Variants in POFUT2 observed in about 807,000 individuals in gnomAD.
The protein encoded by POFUT2 is protein O-fucosyltransferase 2.
Under a neutral mutation model 55.0 loss-of-function variants are expected in POFUT2, and 30 were observed. The observed-to-expected ratio is 0.55, with a 90% CI of 0.41 to 0.74. The LOEUF is 0.74. POFUT2 is among the 30% of genes least tolerant of loss of function. POFUT2 has a pLI of 0.00. For synonymous variants in POFUT2, 267 were observed against 231.1 expected (o/e 1.16, Z -1.41); for missense variants, 524 against 562.6 (o/e 0.93, Z 0.69).
Position 45,284,713 on chromosome 21 carries a change from C to T in POFUT2, c.382+965G>A, listed in dbSNP as rs537419343. Among the ~76,000 whole-genome samples, 1 of 152,304 alleles carries T rather than the reference C, an allele frequency of 6.6e-6. No individual in the cohort carries two copies. The highest frequency in any genetic ancestry group is 6.5e-5 in the Admixed American group (1 of 15,308). On this transcript the variant is annotated intron_variant, in intron 2 of 8. Transcript: ENST00000349485. The surrounding 1 kb of genome is among the most constrained non-coding windows in gnomAD (Gnocchi z 5.8). Reference sequence around the variant, plus strand: ...GGGTTCCTATAACCCAATGTTCAGACCGAGGGCTGGCTGCTAGTTAGACCC... The same window carrying T: ...GGGTTCCTATAACCCAATGTTCAGATCGAGGGCTGGCTGCTAGTTAGACCC...
Position 45,285,599 on chromosome 21 carries a change from A to G in POFUT2, c.382+79T>C. On this transcript the variant is annotated intron_variant, in intron 2 of 8. Coordinates refer to ENST00000349485, the MANE Select transcript of POFUT2 (RefSeq NM_133635.6). This position sits in a 1 kb window ranked among gnomAD's most constrained non-coding sequence, Gnocchi z 4.9. Reference sequence around the variant, plus strand: ...TGAGGCTGGATGCAATCGTAAGCCCAACCTGATGTCTACCTTAGAAATGAC... The same window carrying G: ...TGAGGCTGGATGCAATCGTAAGCCCGACCTGATGTCTACCTTAGAAATGAC... The G allele has an allele frequency of 6.3e-7, 1 of 1,580,238 alleles. No individual in the cohort carries two copies. Among genetic ancestry groups the G allele is most frequent in the Non-Finnish European group, 8.7e-7 (1 of 1,155,612 alleles).
At chr21:45,287,653 GGCCCCTGACCCC>G in intron 1 of POFUT2, 76 bp downstream of exon 1, 1 of 970,464 alleles carries the variant, frequency 1.0e-6, no homozygotes, top group Non-Finnish European at 1.3e-6. Flanking sequence ...CCATCTCCCT[GGCCCCTGACCCC>G]GCCCCGCCCC....
At position 45,281,693 on chromosome 21, in the gene POFUT2, G is replaced by C. The variant is rs1369974743; in HGVS notation, c.638+656C>G. 1.3e-5 allele frequency among the ~76,000 whole-genome samples: 2 copies of C among 151,938 alleles called. No individual in the cohort carries two copies. The highest frequency in any genetic ancestry group is 6.6e-5 in the Admixed American group (1 of 15,258). ...GGGGCACCCGTGCCCTGCTATGCCT[G>C]GTCTATGGGAGACGCTCACAGTGCC... On this transcript the variant is annotated intron_variant, in intron 4 of 8. Transcript: ENST00000349485. This position sits in a 1 kb window ranked among gnomAD's most constrained non-coding sequence, Gnocchi z 5.0.
At chr21:45,268,033 T>C (rs1356745845) in intron 7 of POFUT2, among the ~76,000 whole-genome samples, 1 of 152,146 alleles carries the variant, frequency 6.6e-6, no homozygotes, top group Non-Finnish European at 1.5e-5. Flanking sequence ...ACGGTCTCCC[T>C]CTCATGCGGA....
chr21:45,267,146 T>C lies in POFUT2; in HGVS notation c.1136+444A>G, dbSNP rs534210962. 93 of 1,207,526 alleles carry C rather than the reference T, an allele frequency of 7.7e-5. No individual in the cohort carries two copies. The African/African-American group carries it at 9.1e-4, about 12-fold the overall frequency. 74.8% of individuals were successfully genotyped at this position (1,207,526 alleles called of 1,614,324 possible). ...ATGCTCCCAGCCTTGGGGACGCTCA[T>C]GGCAGCCCCACGAGAATGATCACAC... On this transcript the variant is annotated intron_variant, in intron 8 of 8. Transcript: ENST00000349485. The surrounding 1 kb of genome is among the most constrained non-coding windows in gnomAD (Gnocchi z 4.4).
rs769310001 is a variant in POFUT2, at chr21:45,267,494, C to T, written c.1136+96G>A. The T allele has an allele frequency of 5.0e-6, 8 of 1,614,182 alleles. No homozygotes were observed. The South Asian group carries it at 7.7e-5, about 16-fold the overall frequency. On this transcript the variant is annotated intron_variant, in intron 8 of 8. Coordinates refer to ENST00000349485, the MANE Select transcript of POFUT2 (RefSeq NM_133635.6). This position sits in a 1 kb window ranked among gnomAD's most constrained non-coding sequence, Gnocchi z 4.4. The stretch of plus-strand genomic sequence containing the variant: ...AGTATGGAAATGACCACTGTGAACA[C>T]AGGCGACCATCTGCTCTGACACCGA...
At chr21:45,280,926 C>T (rs923414816) in intron 4 of POFUT2, among the ~76,000 whole-genome samples, 1 of 152,216 alleles carries the variant, frequency 6.6e-6, no homozygotes, top group Non-Finnish European at 1.5e-5. Flanking sequence ...TTCTAATGGA[C>T]AAAAGTTCTT....
chr21:45,278,092 G>A lies in POFUT2; in HGVS notation c.705+11C>T. The A allele has an allele frequency of 4.3e-6, 7 of 1,610,408 alleles. No individual in the cohort carries two copies. The highest frequency in any genetic ancestry group is 5.1e-6 in the Non-Finnish European group (6 of 1,176,614). On this transcript the variant is annotated intron_variant, in intron 5 of 8. Coordinates refer to ENST00000349485, the MANE Select transcript of POFUT2 (RefSeq NM_133635.6). The stretch of plus-strand genomic sequence containing the variant: ...ACTAACTGAGAAAAACGCTCCCGAG[G>A]AAACACTCACATCCCAGTATTCTTT...
At chr21:45,283,083 C>T (rs954897276) in intron 3 of POFUT2, 13 of 382,924 alleles carry the variant, frequency 3.4e-5, no homozygotes, top group South Asian at 2.2e-4. Flanking sequence ...CAGCCACAAG[C>T]GCTACCACCA....
chr21:45,267,969 TC>T lies in POFUT2; in HGVS notation c.1013-257del, dbSNP rs1456819861. Among the ~76,000 whole-genome samples, 3 of 151,938 alleles carry T rather than the reference TC, an allele frequency of 2.0e-5. No individual in the cohort carries two copies. Among genetic ancestry groups the T allele is most frequent in the Non-Finnish European group, 4.4e-5 (3 of 67,964 alleles). Reference sequence around the variant, plus strand: ...TCAAGAAGAAAGGAAAGAAACGTGCTCCCTCTCCCTCTCCTTCTCCCTCTCC... The same window carrying T: ...TCAAGAAGAAAGGAAAGAAACGTGCTCCTCTCCCTCTCCTTCTCCCTCTCC... On this transcript the variant is annotated intron_variant, in intron 7 of 8. Transcript: ENST00000349485. This position sits in a 1 kb window ranked among gnomAD's most constrained non-coding sequence, Gnocchi z 4.4.
chr21:45,268,848 CCGGGAGGGAGG>C, intron 7 of POFUT2, among the ~76,000 whole-genome samples: 1 of 110,254 alleles, frequency 9.1e-6, no homozygotes, highest in African/African-American at 3.5e-5. Context: ...GCCGCCCCGT[CCGGGAGGGAGG>C]TGGGGGGGTC....
intron 1 of POFUT2, among the ~76,000 whole-genome samples, chr21:45,286,942 C>T (rs1017171588): frequency 6.6e-6 from 1 of 152,302 alleles, no homozygotes; most frequent in East Asian, 1.9e-4. Flanking sequence ...AGCGCCCGCC[C>T]GGCACTGACT....
In POFUT2 at chr21:45,282,985, G is replaced by A. The variant is rs945311559; in HGVS notation, c.527+398C>T. The A allele has an allele frequency of 7.3e-5, 34 of 465,002 alleles. No homozygotes were observed. Among genetic ancestry groups the A allele is most frequent in the Admixed American group, 5.7e-4 (24 of 42,292 alleles). The allele number at this position is 465,002 out of a possible 1,614,324, so 28.8% of individuals were successfully genotyped here. On this transcript the variant is annotated intron_variant, in intron 3 of 8. Coordinates refer to ENST00000349485, the MANE Select transcript of POFUT2 (RefSeq NM_133635.6). This position sits in a 1 kb window ranked among gnomAD's most constrained non-coding sequence, Gnocchi z 4.6. ...TGAAAAGACACAGGGAAAGAGGCAC[G>A]GGGTCTCAGCCAGATGTTCATCACG...
chr21:45,276,840 GTCCCGGCGCC>G (rs757175107), intron 6 of POFUT2, among the ~76,000 whole-genome samples, 167 bp downstream of exon 6: 16 of 152,152 alleles, frequency 1.1e-4, no homozygotes, highest in Non-Finnish European at 1.9e-4. Context: ...GGGCCCCAGG[GTCCCGGCGCC>G]TCCCGAGAGC....
At position 45,265,004 on chromosome 21, in the gene POFUT2, CT is replaced by C. The variant is rs2093141120; in HGVS notation, c.*477del. On this transcript the variant is annotated 3_prime_UTR_variant, in exon 9 of 9. Coordinates refer to ENST00000349485, the MANE Select transcript of POFUT2 (RefSeq NM_133635.6). The surrounding 1 kb of genome is among the most constrained non-coding windows in gnomAD (Gnocchi z 4.6). ...GGCAACGGAGAGATTCATGAGGCCC[CT>C]GGTCGCTCTGCAGACATTTAAAATG... 1 of 153,516 alleles carries C rather than the reference CT, an allele frequency of 6.5e-6. No homozygotes were observed. Among genetic ancestry groups the C allele is most frequent in the African/African-American group, 2.4e-5 (1 of 41,494 alleles). 9.5% of individuals were successfully genotyped at this position (153,516 alleles called of 1,614,324 possible). A position where few individuals can be genotyped will look rare whatever the true frequency, so the allele number is the denominator to read the frequency against.
Position 45,265,739 on chromosome 21 carries a change from A to G in POFUT2, c.1137-104T>C. On this transcript the variant is annotated intron_variant, in intron 8 of 8. Transcript: ENST00000349485. The surrounding 1 kb of genome is among the most constrained non-coding windows in gnomAD (Gnocchi z 4.6). ...AGCAGCTGAGTGAAATGAGTTCCACAGTTACATGGAACCAACACGGCCGTC... is the reference window on the plus strand; with the variant it reads ...AGCAGCTGAGTGAAATGAGTTCCACGGTTACATGGAACCAACACGGCCGTC... 2.0e-6 allele frequency: 3 copies of G among 1,499,468 alleles called. No homozygotes were observed. The highest frequency in any genetic ancestry group is 2.7e-6 in the Non-Finnish European group (3 of 1,129,340). The allele number at this position is 1,499,468 out of a possible 1,614,324, so 92.9% of individuals were successfully genotyped here.
Position 45,285,364 on chromosome 21 carries a change from G to A in POFUT2, c.382+314C>T, listed in dbSNP as rs185774372. 94 of 394,274 alleles carry A rather than the reference G, an allele frequency of 2.4e-4. No individual in the cohort carries two copies. The East Asian group carries it at 5.5e-3, about 23-fold the overall frequency. 24.4% of individuals were successfully genotyped at this position (394,274 alleles called of 1,614,324 possible). A position where few individuals can be genotyped will look rare whatever the true frequency, so the allele number is the denominator to read the frequency against. ...AACAGCCTTTCGCACAGGGAGCCGA[G>A]TCCTGTCACTATAACACCCAGGGGT... On this transcript the variant is annotated intron_variant, in intron 2 of 8. Transcript: ENST00000349485. This position sits in a 1 kb window ranked among gnomAD's most constrained non-coding sequence, Gnocchi z 4.9.
At chr21:45,283,045 G>A (rs1005144295) in intron 3 of POFUT2, 37 of 399,652 alleles carry the variant, frequency 9.3e-5, no homozygotes, top group African/African-American at 6.7e-4. Flanking sequence ...AAGGGGAACC[G>A]CCTGTCAAGG....
intron 4 of POFUT2, among the ~76,000 whole-genome samples, chr21:45,279,434 C>A (rs920531277): frequency 1.3e-5 from 2 of 152,154 alleles, no homozygotes; most frequent in Non-Finnish European, 2.9e-5. Flanking sequence ...AAAATGTAAT[C>A]TCTACAGAGA....
Sources: allele counts gnomAD v4.1 joint callset (sites outside exome capture counted in the v4.1 genomes callset), GRCh38; gene constraint gnomAD v4.1.1; non-coding constraint Gnocchi (gnomAD v3.1); transcripts MANE v1.5; gene names NCBI Gene and HGNC (gene_info 2026-07-23, HGNC 2026-07-21).